The following CIMIP5 variants were observed in gnomAD, a reference collection of about 807,000 sequenced individuals.
The protein encoded by CIMIP5 is ciliary microtubule inner protein 5, also known as uncharacterized protein C2orf50.
chr2:11,150,833 G>A, the CIMIP5 span, among the ~76,000 whole-genome samples: 7 of 151,168 alleles, frequency 4.6e-5, no homozygotes, highest in Admixed American at 2.0e-4. Flanking sequence ...TTCCTTGTGG[G>A]CCTCAAGATC....
chr2:11,143,168 C>CACAGTTCACACCATGGAGT, the CIMIP5 span, among the ~76,000 whole-genome samples: 12 of 152,170 alleles, frequency 7.9e-5, no homozygotes, highest in South Asian at 2.1e-4. Flanking sequence ...GTGATATTCA[C>CACAGTTCACACCATGGAGT]ACAGTTCACA....
chr2:11,144,083 A>T, the CIMIP5 span: 6 of 1,599,476 alleles, frequency 3.8e-6, no homozygotes, highest in Non-Finnish European at 5.1e-6. Context: ...CGGAAGAAGA[A>T]GCTGGAGGAC....
chr2:11,143,920 G>A, the CIMIP5 span: 2 of 1,580,440 alleles, frequency 1.3e-6, no homozygotes, highest in Non-Finnish European at 8.6e-7. Flanking sequence ...CTCTCCTCAG[G>A]GCAACAAGAA....
At chr2:11,138,667 AT>A in the CIMIP5 span, among the ~76,000 whole-genome samples, 1 of 152,104 alleles carries the variant, frequency 6.6e-6, no homozygotes, top group Non-Finnish European at 1.5e-5. Flanking sequence ...GGTTTATACC[AT>A]CCCCATGGTA....
the CIMIP5 span, among the ~76,000 whole-genome samples, chr2:11,152,973 T>C: frequency 1.3e-5 from 2 of 152,208 alleles, no homozygotes; most frequent in African/African-American, 4.8e-5. Context: ...ACCATATACG[T>C]TGAGCACCTA....
At chr2:11,140,235 C>T in the CIMIP5 span, among the ~76,000 whole-genome samples, 3 of 149,804 alleles carry the variant, frequency 2.0e-5, no homozygotes, top group Non-Finnish European at 3.0e-5. Context: ...ATTAGCCAGG[C>T]GCGGTGGCGG....
chr2:11,136,921 G>A, the CIMIP5 span, among the ~76,000 whole-genome samples: 1 of 152,134 alleles, frequency 6.6e-6, no homozygotes, highest in African/African-American at 2.4e-5. Flanking sequence ...AAACACCAGA[G>A]AAGAAAGCCA....
At chr2:11,150,414 C>T in the CIMIP5 span, among the ~76,000 whole-genome samples, 1 of 151,724 alleles carries the variant, frequency 6.6e-6, no homozygotes, top group South Asian at 2.1e-4. Context: ...CTCACTGCAG[C>T]CTCCGCTTCC....
chr2:11,144,509 C>T, the CIMIP5 span: 1 of 160,496 alleles, frequency 6.2e-6, no homozygotes, highest in South Asian at 2.0e-4. Context: ...TCAGTGTGTT[C>T]ACTCCTTGCA....
At chr2:11,146,439 C>T in the CIMIP5 span, 4 of 152,170 alleles carry the variant, frequency 2.6e-5, no homozygotes, top group South Asian at 8.3e-4. Context: ...GATTTTTCTG[C>T]TTAAAGAAAG....
the CIMIP5 span, among the ~76,000 whole-genome samples, chr2:11,134,836 G>A: frequency 6.6e-6 from 1 of 152,154 alleles, no homozygotes. Flanking sequence ...TGCTGTCAAG[G>A]AACACCTGAG....
chr2:11,142,713 A>ATTTTT, the CIMIP5 span, among the ~76,000 whole-genome samples: 5 of 104,144 alleles, frequency 4.8e-5, no homozygotes, highest in African/African-American at 7.6e-5. Context: ...CACTTGTCAG[A>ATTTTT]TTTTTTTTTT....
the CIMIP5 span, chr2:11,140,681 C>T: frequency 1.7e-6 from 1 of 597,476 alleles, no homozygotes; most frequent in Non-Finnish European, 2.7e-6. Context: ...GTCAAATACA[C>T]TCTTGTTTCA....
the CIMIP5 span, among the ~76,000 whole-genome samples, chr2:11,136,474 G>C: frequency 1.3e-5 from 2 of 152,290 alleles, no homozygotes; most frequent in East Asian, 3.9e-4. Flanking sequence ...GCTGAGTTCT[G>C]GTGAGTTTTA....
the CIMIP5 span, among the ~76,000 whole-genome samples, chr2:11,154,094 A>T: frequency 6.6e-6 from 1 of 152,020 alleles, no homozygotes; most frequent in African/African-American, 2.4e-5. Context: ...CTCCTGTCTC[A>T]GCCTCCCGAG....
At chr2:11,133,338 G>T in the CIMIP5 span, 39 of 1,581,474 alleles carry the variant, frequency 2.5e-5, no homozygotes, top group Non-Finnish European at 3.2e-5. Context: ...TTGCACCATG[G>T]GGAGCCACCC....
chr2:11,133,138 C>T, the CIMIP5 span: 1 of 579,058 alleles, frequency 1.7e-6, no homozygotes, highest in South Asian at 3.0e-5. Flanking sequence ...CAAATGCTCT[C>T]CCCAGCCCGG....
the CIMIP5 span, among the ~76,000 whole-genome samples, chr2:11,133,966 A>C: frequency 6.6e-6 from 1 of 152,182 alleles, no homozygotes; most frequent in East Asian, 1.9e-4. Flanking sequence ...AAAAATACCC[A>C]TGAGCCGCTC....
the CIMIP5 span, among the ~76,000 whole-genome samples, chr2:11,154,432 G>T: frequency 6.6e-6 from 1 of 152,126 alleles, no homozygotes; most frequent in Non-Finnish European, 1.5e-5. Context: ...CTCCGAAGCT[G>T]ACCCAGCTCC....
Sources: allele counts gnomAD v4.1 joint callset (sites outside exome capture counted in the v4.1 genomes callset), GRCh38; gene constraint gnomAD v4.1.1; transcripts MANE v1.5; gene names NCBI Gene and HGNC (gene_info 2026-07-23, HGNC 2026-07-21).